The following ADCY8 variants were observed in gnomAD, a reference collection of about 807,000 sequenced individuals.
ADCY8 encodes the protein adenylate cyclase 8, also known as adenylate cyclase type 8.
ADCY8 carries 51 observed loss-of-function variants against 119.7 expected under a neutral mutation model. The observed-to-expected ratio is 0.43, with a 90% CI of 0.34 to 0.54. ADCY8 has a LOEUF of 0.54. Among genes scored for constraint, ADCY8 ranks in the 20% least tolerant of loss-of-function variants. The pLI, the probability that ADCY8 is intolerant of heterozygous loss-of-function variation, is 0.03. For synonymous variants in ADCY8, 665 were observed against 651.0 expected, an observed-to-expected ratio of 1.02 and a Z score of -0.33; for missense variants, 1,383 against 1,598.8, an observed-to-expected ratio of 0.87 and a Z score of 2.30.
At chr8:130,796,736 C>T (rs1815590199) in intron 15 of ADCY8, among the ~76,000 whole-genome samples, 1 of 146,760 alleles carries the variant, frequency 6.8e-6, no homozygotes, top group African/African-American at 2.5e-5. Context: ...CCCCTACCTT[C>T]CCCCCGCCTC....
chr8:130,998,435 T>G (rs1822846517), intron 1 of ADCY8, among the ~76,000 whole-genome samples: 1 of 152,098 alleles, frequency 6.6e-6, no homozygotes, highest in African/African-American at 2.4e-5. Flanking sequence ...CGGCCCACTG[T>G]GGCTGGAGCA....
intron 13 of ADCY8, 115 bp downstream of exon 13, chr8:130,821,227 C>T (rs995134148): frequency 9.1e-6 from 7 of 768,990 alleles, no homozygotes; most frequent in Non-Finnish European, 1.5e-5. Context: ...TCTTTAAGAA[C>T]CACAACTTGC....
At chr8:130,811,988 C>T (rs1211550303) in intron 14 of ADCY8, among the ~76,000 whole-genome samples, 1 of 152,174 alleles carries the variant, frequency 6.6e-6, no homozygotes, top group Non-Finnish European at 1.5e-5. Flanking sequence ...GGAACCAAAT[C>T]ATTTGATTTT....
At chr8:130,831,298 C>T (rs1816826785) in intron 12 of ADCY8, among the ~76,000 whole-genome samples, 4 of 152,152 alleles carry the variant, frequency 2.6e-5, no homozygotes, top group Admixed American at 2.6e-4. Flanking sequence ...GCCAGATAAC[C>T]CTAAGTGCTT....
In ADCY8 at chr8:130,846,908, C is replaced by T. The variant is rs191080578; in HGVS notation, c.2502+516G>A. On this transcript the variant is annotated intron_variant, in intron 11 of 17. Transcript: ENST00000286355. ...TTCCCTTTCCTTCCTTCCTTCCTTC[C>T]TTCCTTCCTTCCTTCCTTCCTTCCT... Among the ~76,000 whole-genome samples the T allele has an allele frequency of 6.9e-4, 76 of 109,892 alleles. 4 individuals carry two copies. The East Asian group carries it at 0.018, about 26-fold the overall frequency. 72.1% of individuals were successfully genotyped at this position (109,892 alleles called of 152,430 possible). A position where few individuals can be genotyped will look rare whatever the true frequency, so the allele number is the denominator to read the frequency against.
chr8:130,884,548 G>A lies in ADCY8; in HGVS notation c.2109+16C>T. On this transcript the variant is annotated intron_variant, in intron 8 of 17. Coordinates refer to ENST00000286355, the MANE Select transcript of ADCY8 (RefSeq NM_001115.3). ...ATTTACTCAGAAAAAGAGCCGCTGT[G>A]GAGACCCAGCTCTACCTTGTGCTCC... is the stretch of plus-strand genomic sequence containing the variant. The A allele has an allele frequency of 6.2e-7, 1 of 1,613,052 alleles. No individual in the cohort carries two copies. The highest frequency in any genetic ancestry group is 8.5e-7 in the Non-Finnish European group (1 of 1,179,510).
Position 130,903,880 on chromosome 8 carries a change from G to A in ADCY8, c.1803C>T (p.Ile601=), listed in dbSNP as rs771961643. The A allele has an allele frequency of 2.2e-5, 36 of 1,614,094 alleles. No homozygotes were observed. The highest frequency in any genetic ancestry group is 3.3e-4 in the Middle Eastern group (2 of 6,054). Residue 601 remains isoleucine (I), a synonymous_variant, in exon 7 of 18, where the codon ATC becomes ATT. Transcript: ENST00000286355. ...CTGAGGAGCTCACTGACTCCTTGAC[G>A]ATATCTTCAGGCAAGGACAGCAGAC... ...EDSLLSLPED[I]VKESVSSSDR...
intron 1 of ADCY8, among the ~76,000 whole-genome samples, chr8:131,037,639 G>A (rs974343678): frequency 2.3e-4 from 35 of 152,112 alleles, no homozygotes; most frequent in Non-Finnish European, 1.5e-5. Context: ...ATGAAAAAAA[G>A]AGAAGGCAAA....
chr8:130,793,298 G>A (rs995426513), intron 15 of ADCY8, among the ~76,000 whole-genome samples: 7 of 152,008 alleles, frequency 4.6e-5, no homozygotes, highest in Non-Finnish European at 8.8e-5. Flanking sequence ...CAACCATCTC[G>A]GTTCACCCAG....
intron 2 of ADCY8, among the ~76,000 whole-genome samples, chr8:130,968,642 C>A (rs553180818): frequency 5.9e-5 from 9 of 152,288 alleles, no homozygotes; most frequent in Admixed American, 4.6e-4. Flanking sequence ...GAATAACCCA[C>A]GATCAGTTTA....
At chr8:131,013,808 G>A (rs769340357) in intron 1 of ADCY8, among the ~76,000 whole-genome samples, 43 of 152,204 alleles carry the variant, frequency 2.8e-4, no homozygotes, top group Non-Finnish European at 4.7e-4. Flanking sequence ...TGTTGTTCAG[G>A]GTTGATAAAG....
rs1019369343 is a variant in ADCY8, at chr8:131,039,599, G to T, written c.735C>A (p.Ser245Arg). The T allele has an allele frequency of 6.2e-7, 1 of 1,613,924 alleles. No homozygotes were observed. The highest frequency in any genetic ancestry group is 8.5e-7 in the Non-Finnish European group (1 of 1,179,998). ...DTTSHTYLQY[S>R]GVVTWVAMTT... ...TCATGGCCACCCAGGTGACCACGCC[G>T]CTGTACTGCAGGTACGTGTGGGAGG... Residue 245 changes from serine (S) to arginine (R), a missense_variant, in exon 1 of 18, where the codon AGC (serine) becomes AGA (arginine). By Grantham distance (110) the Ser-to-Arg change is moderately radical. Transcript: ENST00000286355.
intron 5 of ADCY8, among the ~76,000 whole-genome samples, chr8:130,913,089 T>C (rs1358379245): frequency 2.0e-5 from 3 of 152,170 alleles, no homozygotes; most frequent in African/African-American, 7.2e-5. Context: ...TAGGTGTATA[T>C]ATTTATGGGG....
chr8:130,801,901 T>TTC (rs1815791270), intron 14 of ADCY8, among the ~76,000 whole-genome samples: 1 of 99,156 alleles, frequency 1.0e-5, no homozygotes, highest in African/African-American at 6.1e-5. Context: ...GAGAATGCCT[T>TTC]TTTTTTTTTT....
chr8:130,950,483 C>T (rs1311811461), intron 3 of ADCY8, among the ~76,000 whole-genome samples: 1 of 152,042 alleles, frequency 6.6e-6, no homozygotes, highest in Non-Finnish European at 1.5e-5. Context: ...GTGGCTGTGT[C>T]AGGGTTTGGG....
intron 5 of ADCY8, among the ~76,000 whole-genome samples, chr8:130,914,103 A>C (rs1820059069): frequency 6.6e-6 from 1 of 152,226 alleles, no homozygotes; most frequent in South Asian, 2.1e-4. Context: ...CCTATGGCCC[A>C]GAGCTGGTAA....
intron 5 of ADCY8, among the ~76,000 whole-genome samples, chr8:130,922,929 T>C (rs1460702111): frequency 6.6e-6 from 1 of 152,226 alleles, no homozygotes; most frequent in Non-Finnish European, 1.5e-5. Context: ...CATTTGGAAA[T>C]TGTTCTTCAC....
At chr8:130,886,760 T>G (rs1819000435) in intron 7 of ADCY8, among the ~76,000 whole-genome samples, 2 of 152,136 alleles carry the variant, frequency 1.3e-5, no homozygotes, top group Non-Finnish European at 2.9e-5. Context: ...TCTCACTGTC[T>G]GATATTTTTA....
intron 13 of ADCY8, among the ~76,000 whole-genome samples, chr8:130,817,178 CTG>C (rs1258637697): frequency 7.9e-5 from 12 of 152,224 alleles, no homozygotes; most frequent in African/African-American, 2.9e-4. Context: ...AAATGAGTAA[CTG>C]TGTTGGTGTC....
Sources: gnomAD v4.1 joint callset for allele counts (sites outside exome capture counted in the v4.1 genomes callset) on GRCh38, gnomAD v4.1.1 for gene constraint, MANE v1.5 for transcripts, NCBI Gene and HGNC (gene_info 2026-07-23, HGNC 2026-07-21) for gene names.